The following CDS2 variants were observed in gnomAD, a reference collection of about 807,000 sequenced individuals.
CDS2 encodes phosphatidate cytidylyltransferase 2.
A neutral mutation model predicts 59.0 loss-of-function variants in CDS2; 47 were observed. The observed-to-expected ratio is 0.80, with a 90% CI of 0.63 to 1.02. The LOEUF (loss-of-function observed/expected upper bound fraction) is 1.02. Among genes scored for constraint, CDS2 ranks in the 50% least tolerant of loss-of-function variants. The pLI is 0.00. For missense variants in CDS2, 356 were observed against 558.9 expected, an observed-to-expected ratio of 0.64 and a Z score of 3.66; for synonymous variants, 207 against 206.4, an observed-to-expected ratio of 1.00 and a Z score of -0.02.
intron 5 of CDS2, among the ~76,000 whole-genome samples, chr20:5,180,393 C>A (rs2091025397): frequency 6.6e-6 from 1 of 151,902 alleles, no homozygotes; most frequent in Non-Finnish European, 1.5e-5. Context: ...CTGCTGGTTG[C>A]CCATTTTTAT....
intron 1 of CDS2, among the ~76,000 whole-genome samples, chr20:5,165,952 AG>A (rs2090910461): frequency 6.6e-6 from 1 of 152,220 alleles, no homozygotes; most frequent in African/African-American, 2.4e-5. Context: ...AGGCTGGATG[AG>A]TAGATAAGAC....
intron 1 of CDS2, among the ~76,000 whole-genome samples, chr20:5,146,725 C>T (rs2090746627): frequency 6.6e-6 from 1 of 152,006 alleles, no homozygotes; most frequent in Non-Finnish European, 1.5e-5. Flanking sequence ...GGCTTTTATA[C>T]CAAAAAATAG....
rs57378947 is a variant in CDS2 at position 5,151,750 on chromosome 20, C to CTTTTTTTT, written c.58-21749_58-21742dup. On this transcript the variant is annotated intron_variant, in intron 1 of 12. Coordinates refer to ENST00000460006, the MANE Select transcript of CDS2 (RefSeq NM_003818.4). ...ACCATGCCTGGCCTAGACTCCATGTCTTTTTTTTTTTTTTTTTTTTTTTTT... is the reference window on the plus strand; with the variant it reads ...ACCATGCCTGGCCTAGACTCCATGTCTTTTTTTTTTTTTTTTTTTTTTTTTTTTTTTTT... 2.6e-4 allele frequency among the ~76,000 whole-genome samples: 14 copies of CTTTTTTTT among 53,198 alleles called. 1 individual carries two copies. Among genetic ancestry groups the CTTTTTTTT allele is most frequent in the South Asian group, 1.0e-3 (1 of 982 alleles). The allele number at this position is 53,198 out of a possible 152,430, so 34.9% of individuals were successfully genotyped here.
intron 1 of CDS2, among the ~76,000 whole-genome samples, chr20:5,160,272 G>C (rs755633585): frequency 6.6e-6 from 1 of 152,202 alleles, no homozygotes; most frequent in East Asian, 1.9e-4. Context: ...CACTTCATAT[G>C]CTTGCTGAAG....
chr20:5,138,683 A>C (rs747319826), intron 1 of CDS2, among the ~76,000 whole-genome samples: 9 of 151,756 alleles, frequency 5.9e-5, no homozygotes, highest in Non-Finnish European at 8.8e-5. Flanking sequence ...ACAGGGTTTC[A>C]CCACACTGGC....
intron 1 of CDS2, among the ~76,000 whole-genome samples, chr20:5,141,128 C>A (rs1475405832): frequency 6.6e-6 from 1 of 152,202 alleles, no homozygotes; most frequent in Non-Finnish European, 1.5e-5. Flanking sequence ...TCCTGCCTTT[C>A]TATCTTGGAG....
chr20:5,147,699 T>C (rs1056268411), intron 1 of CDS2, among the ~76,000 whole-genome samples: 2 of 152,026 alleles, frequency 1.3e-5, no homozygotes, highest in Non-Finnish European at 2.9e-5. Flanking sequence ...CCACCCTGTC[T>C]GGCCACATTT....
chr20:5,168,987 T>A (rs962097068), intron 1 of CDS2, among the ~76,000 whole-genome samples: 8 of 152,214 alleles, frequency 5.3e-5, no homozygotes, highest in Admixed American at 2.0e-4. Flanking sequence ...GAGCCCCTGG[T>A]ACACAGGACA....
At chr20:5,133,458 GAGTTTA>G (rs2090624275) in intron 1 of CDS2, among the ~76,000 whole-genome samples, 1 of 152,130 alleles carries the variant, frequency 6.6e-6, no homozygotes, top group African/African-American at 2.4e-5. Context: ...ACAGCTCAGA[GAGTTTA>G]AGTTATTAGC....
chr20:5,130,879 T>C (rs1600461527), intron 1 of CDS2, among the ~76,000 whole-genome samples: 1 of 150,940 alleles, frequency 6.6e-6, no homozygotes, highest in Admixed American at 6.6e-5. Context: ...ATCACGAGGT[T>C]AGGAGATCGA....
At chr20:5,163,927 A>G (rs1157375099) in intron 1 of CDS2, among the ~76,000 whole-genome samples, 2 of 151,564 alleles carry the variant, frequency 1.3e-5, no homozygotes, top group East Asian at 2.0e-4. Context: ...AGTAGCTGGG[A>G]TTACAGGTGC....
At chr20:5,131,092 TAAA>T (rs1049352468) in intron 1 of CDS2, among the ~76,000 whole-genome samples, 4 of 105,078 alleles carry the variant, frequency 3.8e-5, no homozygotes, top group Admixed American at 1.0e-4. Context: ...GACTCTGTCT[TAAA>T]AAAAAAAAAA....
chr20:5,150,615 G>A lies in CDS2; in HGVS notation c.58-22908G>A, dbSNP rs188378093. 2.9e-3 allele frequency among the ~76,000 whole-genome samples: 442 copies of A among 152,314 alleles called. 4 individuals carry two copies. The highest frequency in any genetic ancestry group is 4.9e-3 in the Non-Finnish European group (335 of 68,030). On this transcript the variant is annotated intron_variant, in intron 1 of 12. Transcript: ENST00000460006. ...CTGGGTTCCATGGGGCCTGCAGGCC[G>A]AAAGCAAGGGCACCCTGGAGCAGTG...
chr20:5,154,980 G>T (rs1300646879), intron 1 of CDS2, among the ~76,000 whole-genome samples: 1 of 152,200 alleles, frequency 6.6e-6, no homozygotes, highest in Non-Finnish European at 1.5e-5. Context: ...AGCATTTCCT[G>T]TTATTCAAGG....
At chr20:5,127,677 G>A (rs1485070399) in intron 1 of CDS2, among the ~76,000 whole-genome samples, 1 of 152,170 alleles carries the variant, frequency 6.6e-6, no homozygotes, top group East Asian at 1.9e-4. Flanking sequence ...TACCCAGTGA[G>A]CCAGTCCGTC....
intron 1 of CDS2, among the ~76,000 whole-genome samples, chr20:5,139,121 C>G (rs990839733): frequency 6.6e-6 from 1 of 152,170 alleles, no homozygotes; most frequent in Non-Finnish European, 1.5e-5. Context: ...GTGGGTGGAT[C>G]ACTTGAGGCC....
chr20:5,151,628 G>A (rs2090790190), intron 1 of CDS2, among the ~76,000 whole-genome samples: 1 of 151,642 alleles, frequency 6.6e-6, no homozygotes, highest in Non-Finnish European at 1.5e-5. Flanking sequence ...TTGTAGAGGT[G>A]GGGTCTTGCT....
Position 5,190,086 on chromosome 20 carries a change from T to G in CDS2, c.1206-16T>G. ...CGGGCCCTAGCTCAGTGCTGTTTCTTCACATTCTGTTCCAGAGGCCCTAAC... is the reference window on the plus strand; with the variant it reads ...CGGGCCCTAGCTCAGTGCTGTTTCTGCACATTCTGTTCCAGAGGCCCTAAC... On this transcript the variant is annotated splice_polypyrimidine_tract_variant and intron_variant, in intron 12 of 12. Transcript: ENST00000460006. The G allele has an allele frequency of 6.2e-7, 1 of 1,613,326 alleles. No individual in the cohort carries two copies. Among genetic ancestry groups the G allele is most frequent in the Non-Finnish European group, 8.5e-7 (1 of 1,179,348 alleles).
At chr20:5,189,614 T>C in intron 11 of CDS2, 121 bp from the exon 12 acceptor site, 1 of 699,276 alleles carries the variant, frequency 1.4e-6, no homozygotes, top group Non-Finnish European at 2.5e-6. Context: ...ATTTCATACT[T>C]CTCACCTTCT....
Sources: gnomAD v4.1 joint callset for allele counts (sites outside exome capture counted in the v4.1 genomes callset) on GRCh38, gnomAD v4.1.1 for gene constraint, MANE v1.5 for transcripts, NCBI Gene and HGNC (gene_info 2026-07-23, HGNC 2026-07-21) for gene names.